Variants in SRPK1 observed in about 807,000 individuals in gnomAD.
SRPK1 encodes SFRS protein kinase 1.
A neutral mutation model predicts 89.5 loss-of-function variants in SRPK1; 52 were observed. The observed-to-expected ratio is 0.58, with a 90% CI of 0.46 to 0.73. SRPK1 has a LOEUF of 0.73. Among genes scored for constraint, SRPK1 ranks in the 30% least tolerant of loss-of-function variants. The probability of loss-of-function intolerance (pLI) is 0.00; values close to 1 mark genes in which losing one functional copy is unlikely to be tolerated. For missense variants in SRPK1, 603 were observed against 780.6 expected (o/e 0.77, Z 2.71); for synonymous variants, 255 against 270.2 (o/e 0.94, Z 0.55).
chr6:35,890,901 A>C lies in SRPK1; in HGVS notation c.187T>G (p.Cys63Gly). ...TACCTCTTTATGAACTTACCTTTACAATAATCATTAGGATCTTCTTGCTCA... is the reference window on the plus strand; with the variant it reads ...TACCTCTTTATGAACTTACCTTTACCATAATCATTAGGATCTTCTTGCTCA... ...DDEQEDPNDY[C>G]KGGYHLVKIG... Residue 63 changes from cysteine (C) to glycine (G), a missense_variant, in exon 3 of 16, where the codon TGT becomes GGT. By Grantham distance (159) the Cys-to-Gly change is radical (BLOSUM62 -3). Transcript: ENST00000373825. 1.3e-6 allele frequency: 2 copies of C among 1,549,684 alleles called. No individual in the cohort carries two copies. Among genetic ancestry groups the C allele is most frequent in the Non-Finnish European group, 1.7e-6 (2 of 1,146,500 alleles).
In SRPK1 at chr6:35,847,724, G is replaced by A. The variant is rs867954305; in HGVS notation, c.1621-5120C>T. The stretch of plus-strand genomic sequence containing the variant: ...CTTAGAAACATATTTAACCATGGAG[G>A]TAAAAGACCTGTACACTGAAAACTA... On this transcript the variant is annotated intron_variant, in intron 13 of 15. Transcript: ENST00000373825. 1.2e-4 allele frequency among the ~76,000 whole-genome samples: 18 copies of A among 152,100 alleles called. No homozygotes were observed. The South Asian group carries it at 3.5e-3, about 30-fold the overall frequency.
Position 35,873,741 on chromosome 6 carries a change from C to G in SRPK1, c.585+492G>C, listed in dbSNP as rs539786342. On this transcript the variant is annotated intron_variant, in intron 7 of 15. Transcript: ENST00000373825. Reference sequence around the variant, plus strand: ...CTGACCTCAGGTGATCTGCCCGCCTCGGCCTCCCAAAGTGCTGGGATTACA... The same window carrying G: ...CTGACCTCAGGTGATCTGCCCGCCTGGGCCTCCCAAAGTGCTGGGATTACA... Among the ~76,000 whole-genome samples, 38 of 152,152 alleles carry G rather than the reference C, an allele frequency of 2.5e-4. No homozygotes were observed. In the East Asian group the frequency reaches 7.0e-3, roughly 28 times the overall value.
At chr6:35,848,284 TG>T (rs1436538448) in intron 13 of SRPK1, among the ~76,000 whole-genome samples, 1 of 152,032 alleles carries the variant, frequency 6.6e-6, no homozygotes, top group East Asian at 1.9e-4. Context: ...GGGCTGGGCA[TG>T]GTGGCTCACG....
At chr6:35,867,204 T>C (rs1164586274) in intron 12 of SRPK1, among the ~76,000 whole-genome samples, 1 of 152,078 alleles carries the variant, frequency 6.6e-6, no homozygotes, top group Non-Finnish European at 1.5e-5. Flanking sequence ...GCCAATAGTC[T>C]ACGGGGAGCA....
chr6:35,838,782 A>G (rs746100730), intron 14 of SRPK1: 3 of 1,379,006 alleles, frequency 2.2e-6, no homozygotes, highest in Non-Finnish European at 2.9e-6. Context: ...TCAGCTCTAT[A>G]ATGTGCACAA....
chr6:35,860,642 T>C (rs574406007), intron 12 of SRPK1, among the ~76,000 whole-genome samples: 2 of 152,282 alleles, frequency 1.3e-5, no homozygotes, highest in South Asian at 4.1e-4. Context: ...GTACTAAATA[T>C]AGATACAGTG....
intron 2 of SRPK1, among the ~76,000 whole-genome samples, chr6:35,909,034 G>C (rs1437032447): frequency 6.6e-6 from 1 of 152,254 alleles, no homozygotes; most frequent in Non-Finnish European, 1.5e-5. Flanking sequence ...CCATGCAAAG[G>C]GGAAATGTGG....
intron 14 of SRPK1, among the ~76,000 whole-genome samples, chr6:35,839,261 C>T (rs774396307): frequency 8.5e-5 from 13 of 152,240 alleles, no homozygotes; most frequent in Non-Finnish European, 1.6e-4. Context: ...AGCAATCCTC[C>T]TGCCTTGGCC....
chr6:35,842,973 T>C (rs956817089), intron 13 of SRPK1, among the ~76,000 whole-genome samples: 1 of 150,254 alleles, frequency 6.7e-6, no homozygotes, highest in Non-Finnish European at 1.5e-5. Context: ...AACAGGTCTT[T>C]TTTTTTTTTT....
At chr6:35,862,734 G>C (rs1769804941) in intron 12 of SRPK1, among the ~76,000 whole-genome samples, 1 of 152,066 alleles carries the variant, frequency 6.6e-6, no homozygotes, top group Non-Finnish European at 1.5e-5. Flanking sequence ...AGCTCAATAA[G>C]ATGCAAGAGA....
At chr6:35,898,643 A>G (rs956594404) in intron 2 of SRPK1, among the ~76,000 whole-genome samples, 2 of 152,176 alleles carry the variant, frequency 1.3e-5, no homozygotes, top group East Asian at 3.9e-4. Context: ...GAGGCAAAAG[A>G]ATCACTTGAA....
chr6:35,874,187 C>A, intron 7 of SRPK1, 46 bp downstream of exon 7: 1 of 1,432,868 alleles, frequency 7.0e-7, no homozygotes, highest in South Asian at 1.2e-5. Context: ...ATTAAAAAAT[C>A]ACTACATAGT....
intron 2 of SRPK1, among the ~76,000 whole-genome samples, chr6:35,898,642 G>A (rs1404906148): frequency 6.6e-6 from 1 of 152,130 alleles, no homozygotes; most frequent in African/African-American, 2.4e-5. Context: ...TGAGGCAAAA[G>A]AATCACTTGA....
intron 6 of SRPK1, among the ~76,000 whole-genome samples, chr6:35,876,102 A>AG (rs1039818474): frequency 6.6e-6 from 1 of 151,386 alleles, no homozygotes; most frequent in Non-Finnish European, 1.5e-5. Flanking sequence ...AAAAAAAAAA[A>AG]AAAAAGGCAA....
At chr6:35,890,070 C>A (rs1453430511) in intron 3 of SRPK1, among the ~76,000 whole-genome samples, 2 of 152,106 alleles carry the variant, frequency 1.3e-5, no homozygotes, top group African/African-American at 2.4e-5. Flanking sequence ...ATCGCGCCAA[C>A]TGCACTCCAG....
chr6:35,866,459 C>CCTA (rs1336615655), intron 12 of SRPK1, among the ~76,000 whole-genome samples: 2 of 152,134 alleles, frequency 1.3e-5, no homozygotes, highest in African/African-American at 4.8e-5. Flanking sequence ...GCGGCACGTG[C>CCTA]CTGTAGTCCC....
intron 6 of SRPK1, among the ~76,000 whole-genome samples, chr6:35,879,139 A>C (rs1770220889): frequency 6.6e-6 from 1 of 152,164 alleles, no homozygotes; most frequent in African/African-American, 2.4e-5. Flanking sequence ...ATAGAGGGAA[A>C]ATCAGAAAGT....
intron 2 of SRPK1, among the ~76,000 whole-genome samples, chr6:35,892,684 A>ACGACG (rs1561989598): frequency 7.5e-5 from 11 of 147,090 alleles, no homozygotes; most frequent in African/African-American, 2.6e-4. Context: ...CAACAACAAC[A>ACGACG]ACAACGACAA....
Position 35,869,094 on chromosome 6 carries a change from T to C in SRPK1, c.1428A>G (p.Gly476=). The change falls in exon 12 of 16, where the codon GGA becomes GGG. Residue 476 remains glycine (G), a synonymous_variant. Coordinates refer to ENST00000373825, the MANE Select transcript of SRPK1 (RefSeq NM_003137.5). ...GCTCAAGGGGATTAACAAGAAAATT[T>C]CCAGCCGTGGATTTTCCTACAGACA... ...PLDNKGKSTA[G]NFLVNPLEPK... The C allele has an allele frequency of 6.2e-7, 1 of 1,613,610 alleles. No homozygotes were observed.
Sources: allele counts gnomAD v4.1 joint callset (sites outside exome capture counted in the v4.1 genomes callset), GRCh38; gene constraint gnomAD v4.1.1; transcripts MANE v1.5; gene names NCBI Gene and HGNC (gene_info 2026-07-23, HGNC 2026-07-21).